The following CATSPERE variants were observed in gnomAD, a reference collection of about 807,000 sequenced individuals.
The protein encoded by CATSPERE is cation channel sperm-associated auxiliary subunit epsilon.
CATSPERE carries 93 observed loss-of-function variants against 114.1 expected under a neutral mutation model. The observed-to-expected ratio is 0.81, with a 90% confidence interval of 0.69 to 0.97. The LOEUF (loss-of-function observed/expected upper bound fraction) is 0.97. Among genes scored for constraint, CATSPERE ranks in the 50% least tolerant of loss-of-function variants. The pLI is 0.00. For synonymous variants in CATSPERE, 341 were observed against 384.1 expected, an observed-to-expected ratio of 0.89 and a Z score of 1.31; for missense variants, 1,058 against 1,131.6, an observed-to-expected ratio of 0.93 and a Z score of 0.93.
At chr1:244,455,549 A>G (rs1180263479) in intron 1 of CATSPERE, among the ~76,000 whole-genome samples, 4 of 151,864 alleles carry the variant, frequency 2.6e-5, no homozygotes, top group Non-Finnish European at 5.9e-5. Context: ...AGTCAGCTTA[A>G]TTAAAAGTGG....
In CATSPERE at chr1:244,609,205, A is replaced by G. The variant is rs551293919; in HGVS notation, c.2404-1035A>G. 5.6e-4 allele frequency among the ~76,000 whole-genome samples: 85 copies of G among 152,246 alleles called. 2 individuals are homozygous for G. In the South Asian group the frequency reaches 0.017, roughly 30 times the overall value. On this transcript the variant is annotated intron_variant, in intron 18 of 21. Coordinates refer to ENST00000366534, the MANE Select transcript of CATSPERE (RefSeq NM_001130957.2). Reference sequence around the variant, plus strand: ...CGTCTCTAAACAAACAAATAAATAAATAAATCTTAGAAAATTATGAATAGA... The same window carrying G: ...CGTCTCTAAACAAACAAATAAATAAGTAAATCTTAGAAAATTATGAATAGA...
intron 6 of CATSPERE, among the ~76,000 whole-genome samples, chr1:244,498,623 C>T (rs553432199): frequency 3.9e-5 from 6 of 152,082 alleles, no homozygotes; most frequent in Non-Finnish European, 5.9e-5. Flanking sequence ...ATGGGCTGGG[C>T]GTGGTGGCTC....
chr1:244,460,325 C>T (rs752135093), upstream of CATSPERE, among the ~76,000 whole-genome samples: 7 of 152,128 alleles, frequency 4.6e-5, no homozygotes, highest in Non-Finnish European at 8.8e-5. Flanking sequence ...GATCGGTGCT[C>T]GAGAGATTTT....
upstream of CATSPERE, chr1:244,461,243 G>A (rs960057080): frequency 1.9e-5 from 8 of 428,160 alleles, no homozygotes; most frequent in Middle Eastern, 6.0e-4. Context: ...CCTCTAGGGA[G>A]CCCAGGTAGC....
At chr1:244,625,610 G>A (rs1558619573) in intron 20 of CATSPERE, among the ~76,000 whole-genome samples, 1 of 146,008 alleles carries the variant, frequency 6.8e-6, no homozygotes, top group African/African-American at 2.6e-5. Flanking sequence ...TGTATTTTTA[G>A]TAGAGACGGG....
intron 18 of CATSPERE, among the ~76,000 whole-genome samples, chr1:244,608,309 G>C (rs997420891): frequency 3.3e-5 from 5 of 152,022 alleles, no homozygotes; most frequent in Admixed American, 2.6e-4. Flanking sequence ...GAAGCGGGAT[G>C]ATCGCTTGAG....
At position 244,591,594 on chromosome 1, in the gene CATSPERE, T is replaced by G. The variant is rs574035836; in HGVS notation, c.2139-87T>G. ...TGATGATTCTCTGACACTCTCCTGT[T>G]TGAGAATCACTGAGTTAAATGATTA... is the stretch of plus-strand genomic sequence containing the variant. On this transcript the variant is annotated intron_variant, in intron 14 of 21. Transcript: ENST00000366534. The G allele has an allele frequency of 5.4e-6, 4 of 742,618 alleles. No homozygotes were observed. The Admixed American group carries it at 8.3e-5, about 15-fold the overall frequency. 46.0% of individuals were successfully genotyped at this position (742,618 alleles called of 1,614,324 possible).
At chr1:244,569,042 G>GGGTTCCTCATGGAGGAACCAGAC (rs1183037988) in intron 10 of CATSPERE, among the ~76,000 whole-genome samples, 4 of 152,144 alleles carry the variant, frequency 2.6e-5, no homozygotes, top group Non-Finnish European at 1.5e-5. Flanking sequence ...CAAAGACCGT[G>GGGTTCCTCATGGAGGAACCAGAC]GGTTCCTCAT....
chr1:244,583,693 T>G (rs1666583347), intron 12 of CATSPERE, among the ~76,000 whole-genome samples, 171 bp from the exon 13 acceptor site: 1 of 152,210 alleles, frequency 6.6e-6, no homozygotes, highest in African/African-American at 2.4e-5. Flanking sequence ...CAGAGCTGTC[T>G]TAGCAGAAGC....
At chr1:244,478,908 A>T (rs1669790312) in intron 4 of CATSPERE, among the ~76,000 whole-genome samples, 1 of 150,972 alleles carries the variant, frequency 6.6e-6, no homozygotes, top group Admixed American at 6.6e-5. Context: ...GGCACCTGTA[A>T]TCCCAGCTAC....
chr1:244,467,305 A>G (rs1325273647), intron 2 of CATSPERE, among the ~76,000 whole-genome samples: 1 of 152,194 alleles, frequency 6.6e-6, no homozygotes, highest in Non-Finnish European at 1.5e-5. Flanking sequence ...CTAAAGTATA[A>G]AAAAGAAAGG....
At chr1:244,454,429 G>C (rs1437928210) in exon 1 of CATSPERE, 1 of 152,102 alleles carries the variant, frequency 6.6e-6, no homozygotes, top group African/African-American at 2.4e-5. Flanking sequence ...AGCCCGCTGG[G>C]CAGCATCTTG....
intron 2 of CATSPERE, among the ~76,000 whole-genome samples, chr1:244,466,717 A>G (rs1233321665): frequency 1.3e-5 from 2 of 152,164 alleles, no homozygotes; most frequent in African/African-American, 4.8e-5. Flanking sequence ...AGAAACCCCC[A>G]CTAATTTTTA....
intron 19 of CATSPERE, 142 bp downstream of exon 19, chr1:244,610,468 T>C (rs1390741170): frequency 1.4e-6 from 1 of 720,712 alleles, no homozygotes; most frequent in Non-Finnish European, 2.5e-6. Context: ...AATTGTATCA[T>C]GGTATTTTTA....
At chr1:244,476,418 A>G (rs1453125654) in intron 2 of CATSPERE, among the ~76,000 whole-genome samples, 3 of 152,208 alleles carry the variant, frequency 2.0e-5, no homozygotes, top group East Asian at 1.9e-4. Context: ...AAAATGTATT[A>G]TAAAATCTAC....
In CATSPERE at chr1:244,607,696, G is replaced by C. The variant is rs935619304; in HGVS notation, c.2403+1902G>C. ...ACAAGTAAGGCTGGAGTAGATGAGA[G>C]CTGGAATGCAAGGAGCCACTACACA... On this transcript the variant is annotated intron_variant, in intron 18 of 21. Coordinates refer to ENST00000366534, the MANE Select transcript of CATSPERE (RefSeq NM_001130957.2). This position sits in a 1 kb window ranked among gnomAD's most constrained non-coding sequence, Gnocchi z 4.4. Among the ~76,000 whole-genome samples, 3 of 152,222 alleles carry C rather than the reference G, an allele frequency of 2.0e-5. No individual in the cohort carries two copies. The highest frequency in any genetic ancestry group is 2.0e-4 in the Admixed American group (3 of 15,286).
chr1:244,499,345 C>G (rs1050502846), intron 7 of CATSPERE, among the ~76,000 whole-genome samples: 1 of 151,824 alleles, frequency 6.6e-6, no homozygotes, highest in Non-Finnish European at 1.5e-5. Context: ...TTAAATTTTA[C>G]TCTAAGTTCA....
intron 11 of CATSPERE, among the ~76,000 whole-genome samples, chr1:244,574,966 C>T (rs1262504195): frequency 6.6e-6 from 1 of 152,000 alleles, no homozygotes; most frequent in East Asian, 1.9e-4. Context: ...CCTAGTCTTA[C>T]CTTCTGTGTC....
At chr1:244,600,438 CATG>C (rs1297440749) in intron 17 of CATSPERE, among the ~76,000 whole-genome samples, 1 of 151,740 alleles carries the variant, frequency 6.6e-6, no homozygotes, top group Non-Finnish European at 1.5e-5. Context: ...TTGTAACCTA[CATG>C]AATTTGTAGG....
Sources: gnomAD v4.1 joint callset for allele counts (sites outside exome capture counted in the v4.1 genomes callset) on GRCh38, gnomAD v4.1.1 for gene constraint, Gnocchi (gnomAD v3.1) non-coding constraint, MANE v1.5 for transcripts, NCBI Gene and HGNC (gene_info 2026-07-23, HGNC 2026-07-21) for gene names.